Variants in LRP6 observed in about 807,000 individuals in gnomAD.
LRP6 encodes low-density lipoprotein receptor-related protein 6.
In LRP6, 43 loss-of-function variants were observed where a neutral mutation model predicts 184.1. The ratio of observed to expected loss-of-function variants is 0.23; its 90% CI spans 0.18 to 0.30. The LOEUF (loss-of-function observed/expected upper bound fraction) is 0.30, where lower values mean the gene tolerates loss of function less well. LRP6 is among the 10% of genes least tolerant of loss of function. LRP6 has a pLI of 1.00. For missense variants in LRP6, 1,571 were observed against 2,005.3 expected (o/e 0.78, Z 4.14); for synonymous variants, 719 against 684.9 (o/e 1.05, Z -0.78).
chr12:12,138,504 T>C lies in LRP6; in HGVS notation c.3428A>G (p.Asn1143Ser). ...GANRIVLEDS[N>S]ILQPVGLTVF... ...AGTAAGTCCCACAGGCTGCAAGATA[T>C]TGGAGTCTTCTAATACTATCCGGTT... The change falls in exon 16 of 23, where the codon AAT (asparagine) becomes AGT (serine). Residue 1143 changes from asparagine to serine, a missense_variant. Physicochemically the swap from Asn to Ser is conservative, Grantham distance 46. Around this residue, in one of 4 missense-constraint regions of LRP6, gnomAD observed 763 missense variants for 859.5 expected, o/e 0.89. Coordinates refer to ENST00000261349, the MANE Select transcript of LRP6 (RefSeq NM_002336.3). 6.2e-7 allele frequency: 1 copy of C among 1,614,116 alleles called. No homozygotes were observed. The highest frequency in any genetic ancestry group is 1.3e-5 in the African/African-American group (1 of 75,050).
chr12:12,154,494 G>A (rs188918531), intron 12 of LRP6, among the ~76,000 whole-genome samples: 87 of 152,216 alleles, frequency 5.7e-4, no homozygotes, highest in African/African-American at 1.9e-3. Flanking sequence ...GTTTTCCAAC[G>A]GCTGAAGTAA....
intron 2 of LRP6, among the ~76,000 whole-genome samples, chr12:12,234,219 G>C (rs1416303925): frequency 6.6e-6 from 1 of 151,924 alleles, no homozygotes; most frequent in Non-Finnish European, 1.5e-5. Flanking sequence ...CCCAGGAGGC[G>C]GAGGTTGCCG....
intron 2 of LRP6, among the ~76,000 whole-genome samples, chr12:12,234,201 T>C (rs1309886268): frequency 1.3e-5 from 2 of 151,472 alleles, no homozygotes; most frequent in Non-Finnish European, 2.9e-5. Context: ...GAAGGAGAAT[T>C]GCTTTAACCC....
rs1555129102 is a variant in LRP6 at position 12,263,276 on chromosome 12, A to AAAG, written c.55+3404_55+3405insCTT. ...GCGAAACTCTGTCTTTAAAAAAAAA[A>AAAG]AAAGAATGTGTGAATCTGGCCGGGC... On this transcript the variant is annotated intron_variant, in intron 1 of 22. Coordinates refer to ENST00000261349, the MANE Select transcript of LRP6 (RefSeq NM_002336.3). 4.9e-3 allele frequency among the ~76,000 whole-genome samples: 718 copies of AAAG among 146,056 alleles called. 2 individuals carry two copies. The highest frequency in any genetic ancestry group is 7.1e-3 in the Middle Eastern group (2 of 280).
rs571578333 is a variant in LRP6, at chr12:12,212,132, C to G, written c.450-8732G>C. Among the ~76,000 whole-genome samples, 8 of 152,262 alleles carry G rather than the reference C, an allele frequency of 5.3e-5. No individual in the cohort carries two copies. The South Asian group carries it at 8.3e-4, about 16-fold the overall frequency. On this transcript the variant is annotated intron_variant, in intron 2 of 22. Transcript: ENST00000261349. The stretch of plus-strand genomic sequence containing the variant: ...TGTTTACTCATATGTTTTCACCACT[C>G]TAGATTCCAGGTCCTTGAAAACAAG...
intron 7 of LRP6, among the ~76,000 whole-genome samples, chr12:12,165,796 TTTG>T (rs1315879096): frequency 3.9e-5 from 6 of 152,154 alleles, no homozygotes; most frequent in African/African-American, 1.2e-4. Context: ...TGCTTTTTAT[TTTG>T]TTGTTGTTGT....
At chr12:12,138,113 G>A (rs749407121) in intron 16 of LRP6, among the ~76,000 whole-genome samples, 2 of 151,896 alleles carry the variant, frequency 1.3e-5, no homozygotes, top group African/African-American at 2.4e-5. Context: ...AGAGGCTGCA[G>A]TGAGCCAAGA....
intron 1 of LRP6, among the ~76,000 whole-genome samples, chr12:12,250,582 G>C (rs1172096669): frequency 6.6e-6 from 1 of 151,718 alleles, no homozygotes; most frequent in Non-Finnish European, 1.5e-5. Flanking sequence ...GCCTACTACA[G>C]TTCACTGCAC....
rs377581748 is a variant in LRP6 at position 12,241,473 on chromosome 12, C to T, written c.449+2789G>A. On this transcript the variant is annotated intron_variant, in intron 2 of 22. Coordinates refer to ENST00000261349, the MANE Select transcript of LRP6 (RefSeq NM_002336.3). The stretch of plus-strand genomic sequence containing the variant: ...GGAGTTTAAAATATAATTTTAAATA[C>T]GCTCCATCATTTGTACATATATCAA... Among the ~76,000 whole-genome samples, 17 of 152,130 alleles carry T rather than the reference C, an allele frequency of 1.1e-4. No homozygotes were observed. In the East Asian group the frequency reaches 3.3e-3, roughly 29 times the overall value.
At chr12:12,250,429 T>A (rs1319307663) in intron 1 of LRP6, among the ~76,000 whole-genome samples, 1 of 152,134 alleles carries the variant, frequency 6.6e-6, no homozygotes, top group Non-Finnish European at 1.5e-5. Flanking sequence ...CCTTTCTAAT[T>A]GACTCAGCTT....
chr12:12,249,462 G>C (rs537026860), intron 1 of LRP6: 1 of 694,008 alleles, frequency 1.4e-6, no homozygotes, highest in African/African-American at 1.8e-5. Flanking sequence ...CAGTGTTACA[G>C]CAATTAATCG....
rs1056608346 is a variant in LRP6 at position 12,158,995 on chromosome 12, A to G, written c.2625T>C (p.Tyr875=). The G allele has an allele frequency of 6.2e-7, 1 of 1,614,224 alleles. No homozygotes were observed. Among genetic ancestry groups the G allele is most frequent in the African/African-American group, 1.3e-5 (1 of 75,062 alleles). The change falls in exon 12 of 23, where the codon TAT becomes TAC. Residue 875 remains tyrosine (Y), a synonymous_variant. Coordinates refer to ENST00000261349, the MANE Select transcript of LRP6 (RefSeq NM_002336.3). ...AGTGAAAGACGAGGATGTCCATCAC[A>G]TAATCCAAATGGCCCTGAATGATGG... ...NRTIIQGHLD[Y]VMDILVFHSS...
At chr12:12,214,818 A>C (rs1013125262) in intron 2 of LRP6, among the ~76,000 whole-genome samples, 2 of 152,220 alleles carry the variant, frequency 1.3e-5, no homozygotes, top group Admixed American at 6.5e-5. Flanking sequence ...CTTGAATCTT[A>C]CATTTGTTTT....
At chr12:12,130,654 C>A (rs745774044) in intron 19 of LRP6, 129 bp downstream of exon 19, 51 of 655,140 alleles carry the variant, frequency 7.8e-5, no homozygotes, top group Non-Finnish European at 1.2e-4. Context: ...AACCTTCACA[C>A]AAATAATTAG....
intron 2 of LRP6, among the ~76,000 whole-genome samples, chr12:12,236,366 T>C (rs1864933237): frequency 6.6e-6 from 1 of 152,186 alleles, no homozygotes; most frequent in South Asian, 2.1e-4. Context: ...GATTACAACC[T>C]ACAGGATAAA....
chr12:12,255,069 A>T (rs923722054), intron 1 of LRP6, among the ~76,000 whole-genome samples: 1 of 152,224 alleles, frequency 6.6e-6, no homozygotes, highest in Non-Finnish European at 1.5e-5. Flanking sequence ...ATCTAATGAG[A>T]TCAACTTCTC....
intron 18 of LRP6, among the ~76,000 whole-genome samples, chr12:12,131,520 G>A (rs1010128949): frequency 3.9e-5 from 6 of 152,172 alleles, no homozygotes; most frequent in Non-Finnish European, 5.9e-5. Flanking sequence ...AAATATGTTA[G>A]AGCGTAATTA....
rs116173576 is a variant in LRP6, at chr12:12,197,510, T to C, written c.647+5693A>G. On this transcript the variant is annotated intron_variant, in intron 3 of 22. Transcript: ENST00000261349. ...ACAAACAAACACAGTTGGGTACATATATTTTTGAAAGATAAAATACCTAAT... is the reference window on the plus strand; with the variant it reads ...ACAAACAAACACAGTTGGGTACATACATTTTTGAAAGATAAAATACCTAAT... Among the ~76,000 whole-genome samples the C allele has an allele frequency of 3.1e-3, 465 of 152,334 alleles. 3 individuals carry two copies. Among genetic ancestry groups the C allele is most frequent in the African/African-American group, 0.011 (438 of 41,578 alleles).
chr12:12,172,231 G>C (rs912139320), intron 7 of LRP6, among the ~76,000 whole-genome samples: 1 of 152,142 alleles, frequency 6.6e-6, no homozygotes, highest in Non-Finnish European at 1.5e-5. Context: ...ACCACACTGT[G>C]GCACATTGGT....
Sources: allele counts gnomAD v4.1 joint callset (sites outside exome capture counted in the v4.1 genomes callset), GRCh38; gene constraint gnomAD v4.1.1; regional missense constraint gnomAD v4.1.1; transcripts MANE v1.5; gene names NCBI Gene and HGNC (gene_info 2026-07-23, HGNC 2026-07-21).